ADAMTS19: variants seen among roughly 807,000 people sequenced by gnomAD.
ADAMTS19 encodes the protein A disintegrin and metalloproteinase with thrombospondin motifs 19.
A neutral mutation model predicts 153.3 loss-of-function variants in ADAMTS19; 93 were observed. The ratio of observed to expected loss-of-function variants is 0.61; its 90% CI spans 0.51 to 0.72. ADAMTS19 has a LOEUF of 0.72. ADAMTS19 is among the 30% of genes least tolerant of loss of function. ADAMTS19 has a pLI of 0.00. For synonymous variants in ADAMTS19, 600 were observed against 556.6 expected, an observed-to-expected ratio of 1.08 and a Z score of -1.10; for missense variants, 1,482 against 1,552.1, an observed-to-expected ratio of 0.95 and a Z score of 0.76.
chr5:129,598,639 A>G (rs1400783991), intron 8 of ADAMTS19, among the ~76,000 whole-genome samples: 1 of 152,244 alleles, frequency 6.6e-6, no homozygotes, highest in Admixed American at 6.5e-5. Context: ...ACATTGTGGA[A>G]TGGCAAAATT....
chr5:129,692,342 A>T (rs1422721256), intron 18 of ADAMTS19, among the ~76,000 whole-genome samples: 1 of 151,326 alleles, frequency 6.6e-6, no homozygotes, highest in Non-Finnish European at 1.5e-5. Context: ...CTCCATGTGA[A>T]AAAAAAAAGA....
At chr5:129,646,502 G>A (rs1472926370) in intron 11 of ADAMTS19, among the ~76,000 whole-genome samples, 2 of 151,996 alleles carry the variant, frequency 1.3e-5, no homozygotes, top group Non-Finnish European at 1.5e-5. Context: ...AAAAACAGAT[G>A]AATAAATATC....
chr5:129,568,383 T>C (rs1195101198), intron 7 of ADAMTS19, among the ~76,000 whole-genome samples: 2 of 152,006 alleles, frequency 1.3e-5, no homozygotes, highest in Non-Finnish European at 2.9e-5. Flanking sequence ...AAAGGGACTT[T>C]CATGTTGTTA....
intron 21 of ADAMTS19, among the ~76,000 whole-genome samples, chr5:129,709,295 G>A (rs1024880839): frequency 6.6e-6 from 1 of 151,576 alleles, no homozygotes; most frequent in Non-Finnish European, 1.5e-5. Flanking sequence ...ACAATAAATT[G>A]TTTTCTCATT....
chr5:129,500,069 C>G (rs1298837204), intron 2 of ADAMTS19, among the ~76,000 whole-genome samples: 4 of 152,080 alleles, frequency 2.6e-5, no homozygotes, highest in Non-Finnish European at 5.9e-5. Flanking sequence ...AATTTAGTCA[C>G]AAAATTCTGG....
intron 8 of ADAMTS19, among the ~76,000 whole-genome samples, chr5:129,607,918 A>G (rs1050104305): frequency 6.6e-6 from 1 of 150,834 alleles, no homozygotes; most frequent in Admixed American, 6.6e-5. Flanking sequence ...TGGATGTATA[A>G]AGAAAATGTG....
chr5:129,658,128 A>T (rs1033330817), intron 14 of ADAMTS19, among the ~76,000 whole-genome samples: 2 of 151,878 alleles, frequency 1.3e-5, no homozygotes. Context: ...CAACAAAAAA[A>T]CACAAAAATT....
intron 21 of ADAMTS19, among the ~76,000 whole-genome samples, chr5:129,732,360 A>G (rs1403932718): frequency 6.6e-6 from 1 of 152,084 alleles, no homozygotes; most frequent in Non-Finnish European, 1.5e-5. Context: ...AAAACATCCA[A>G]ATTTTAAAAG....
intron 3 of ADAMTS19, 136 bp from the exon 4 acceptor site, chr5:129,526,148 T>A (rs756287159): frequency 3.5e-5 from 23 of 660,034 alleles, no homozygotes; most frequent in Non-Finnish European, 5.4e-5. Context: ...TCTAAAGTCA[T>A]ATTTCAAAGC....
intron 7 of ADAMTS19, among the ~76,000 whole-genome samples, chr5:129,568,623 C>T (rs1218479991): frequency 6.6e-6 from 1 of 151,986 alleles, no homozygotes; most frequent in Admixed American, 6.6e-5. Flanking sequence ...AGTTTGAGAC[C>T]AGCCTGGGTA....
At chr5:129,528,764 TA>T (rs1752102141) in intron 6 of ADAMTS19, 87 bp downstream of exon 6, 1 of 1,103,288 alleles carries the variant, frequency 9.1e-7, no homozygotes, top group Non-Finnish European at 1.3e-6. Flanking sequence ...ATAATGTTTT[TA>T]TTTCAGATTT....
intron 7 of ADAMTS19, among the ~76,000 whole-genome samples, chr5:129,556,383 A>C (rs1753312053): frequency 6.6e-6 from 1 of 152,202 alleles, no homozygotes; most frequent in African/African-American, 2.4e-5. Context: ...CTTAAATTTC[A>C]AGGGAAATAA....
chr5:129,516,650 T>C (rs1003014315), intron 3 of ADAMTS19, among the ~76,000 whole-genome samples: 1 of 151,948 alleles, frequency 6.6e-6, no homozygotes, highest in Non-Finnish European at 1.5e-5. Flanking sequence ...ATGTCTTCTT[T>C]TTCATTTCTG....
In ADAMTS19 at chr5:129,564,892, A is replaced by C. The variant is rs1753651548; in HGVS notation, c.1372+12985A>C. On this transcript the variant is annotated intron_variant, in intron 7 of 22. Coordinates refer to ENST00000274487, the MANE Select transcript of ADAMTS19 (RefSeq NM_133638.6). ...CTGGGCATGACATTAGCTTTGAAATAAAAAGGCCTGTGAGGTTTATTTATA... is the reference window on the plus strand; with the variant it reads ...CTGGGCATGACATTAGCTTTGAAATCAAAAGGCCTGTGAGGTTTATTTATA... Among the ~76,000 whole-genome samples the C allele has an allele frequency of 2.0e-5, 3 of 152,178 alleles. No individual in the cohort carries two copies. In the South Asian group the frequency reaches 6.2e-4, roughly 32 times the overall value.
chr5:129,588,131 T>C (rs1367509699), intron 7 of ADAMTS19, among the ~76,000 whole-genome samples: 1 of 152,196 alleles, frequency 6.6e-6, no homozygotes, highest in African/African-American at 2.4e-5. Context: ...ATGTAATGAA[T>C]GGATACGTTT....
intron 3 of ADAMTS19, among the ~76,000 whole-genome samples, chr5:129,525,381 A>G (rs142811367): frequency 1.3e-5 from 2 of 152,084 alleles, no homozygotes; most frequent in African/African-American, 4.8e-5. Flanking sequence ...TTTGGTTTTA[A>G]TTTGTATTTG....
At chr5:129,545,742 G>T (rs62398974) in intron 6 of ADAMTS19, among the ~76,000 whole-genome samples, 161 of 145,994 alleles carry the variant, frequency 1.1e-3, no homozygotes, top group African/African-American at 2.0e-3. Context: ...AACAACAGGT[G>T]CTGGAGAGGA....
chr5:129,469,004 T>TG (rs973743577), intron 2 of ADAMTS19, among the ~76,000 whole-genome samples: 94 of 152,208 alleles, frequency 6.2e-4, no homozygotes, highest in African/African-American at 2.2e-3. Context: ...CTCAAACTCC[T>TG]GACATCAGGT....
intron 8 of ADAMTS19, among the ~76,000 whole-genome samples, chr5:129,620,292 T>C (rs1751721480): frequency 6.6e-6 from 1 of 151,922 alleles, no homozygotes; most frequent in Non-Finnish European, 1.5e-5. Context: ...AACATAAATG[T>C]ATTATTTCTG....
Sources: allele counts gnomAD v4.1 joint callset (sites outside exome capture counted in the v4.1 genomes callset), GRCh38; gene constraint gnomAD v4.1.1; transcripts MANE v1.5; gene names NCBI Gene and HGNC (gene_info 2026-07-23, HGNC 2026-07-21).